MAP3K20: variants seen among roughly 807,000 people sequenced by gnomAD.
MAP3K20 encodes the protein mitogen-activated protein kinase kinase kinase 20.
Under a neutral mutation model 85.7 loss-of-function variants are expected in MAP3K20, and 40 were observed. The ratio of observed to expected loss-of-function variants is 0.47; its 90% CI spans 0.36 to 0.61. The LOEUF (loss-of-function observed/expected upper bound fraction) is 0.61. MAP3K20 is among the 20% of genes least tolerant of loss of function. The pLI is 0.00. For synonymous variants in MAP3K20, 325 were observed against 327.7 expected (o/e 0.99, Z 0.09); for missense variants, 817 against 961.7 (o/e 0.85, Z 1.99).
intron 2 of MAP3K20, among the ~76,000 whole-genome samples, chr2:173,114,255 G>C (rs753247693): frequency 1.3e-5 from 2 of 151,792 alleles, no homozygotes; most frequent in Non-Finnish European, 1.5e-5. Flanking sequence ...CTTTTTCCAC[G>C]CCTTTACTTT....
intron 4 of MAP3K20, 86 bp downstream of exon 4, chr2:173,183,041 A>G (rs1369688630): frequency 9.5e-7 from 1 of 1,057,046 alleles, no homozygotes; most frequent in African/African-American, 1.6e-5. Context: ...AAAATGTTTT[A>G]TTCTGTCTTT....
intron 8 of MAP3K20, among the ~76,000 whole-genome samples, chr2:173,202,263 C>G (rs1166038460): frequency 6.6e-6 from 1 of 152,136 alleles, no homozygotes; most frequent in Admixed American, 6.5e-5. Context: ...GTGCTTAGCA[C>G]GGCCTTTAGT....
chr2:173,194,414 CTTTT>C (rs1273247555), intron 7 of MAP3K20, among the ~76,000 whole-genome samples: 1 of 152,018 alleles, frequency 6.6e-6, no homozygotes, highest in Non-Finnish European at 1.5e-5. Flanking sequence ...TTTCCAGCGA[CTTTT>C]TATTTAAACA....
chr2:173,229,281 C>G (rs1407320641), intron 11 of MAP3K20, among the ~76,000 whole-genome samples: 1 of 152,210 alleles, frequency 6.6e-6, no homozygotes, highest in Non-Finnish European at 1.5e-5. Flanking sequence ...TGAGAACAGG[C>G]ATAATACATG....
At chr2:173,243,785 G>A (rs1375957105) in intron 16 of MAP3K20, among the ~76,000 whole-genome samples, 2 of 152,194 alleles carry the variant, frequency 1.3e-5, no homozygotes, top group South Asian at 2.1e-4. Flanking sequence ...CACCACGCCC[G>A]GCTAATTTTT....
At chr2:173,094,139 TA>T (rs895152238) in intron 2 of MAP3K20, among the ~76,000 whole-genome samples, 64 of 151,964 alleles carry the variant, frequency 4.2e-4, no homozygotes, top group African/African-American at 1.4e-3. Flanking sequence ...TAAAGTATAA[TA>T]AAAAAAAATT....
intron 5 of MAP3K20, among the ~76,000 whole-genome samples, chr2:173,190,194 G>T (rs115869442): frequency 6.6e-6 from 1 of 152,074 alleles, no homozygotes; most frequent in African/African-American, 2.4e-5. Context: ...TGTTTTTCAG[G>T]TTTTAGCATA....
chr2:173,232,097 T>G (rs1305799013), intron 12 of MAP3K20, 95 bp from the exon 13 acceptor site: 4 of 1,456,066 alleles, frequency 2.7e-6, no homozygotes, highest in East Asian at 4.6e-5. Context: ...GGAATTAAAG[T>G]TATTTTGATC....
chr2:173,206,543 A>G (rs1683692714), intron 9 of MAP3K20, among the ~76,000 whole-genome samples: 2 of 152,164 alleles, frequency 1.3e-5, no homozygotes, highest in Admixed American at 1.3e-4. Context: ...TTCATTCCCA[A>G]ACAAGTTCTC....
chr2:173,254,259 C>A (rs144554320), intron 16 of MAP3K20, among the ~76,000 whole-genome samples: 8 of 145,968 alleles, frequency 5.5e-5, no homozygotes, highest in South Asian at 2.2e-4. Flanking sequence ...CCTAAAAATA[C>A]AAAAAAAAAA....
At chr2:173,153,682 G>A (rs773344787) in intron 2 of MAP3K20, among the ~76,000 whole-genome samples, 5 of 152,064 alleles carry the variant, frequency 3.3e-5, no homozygotes, top group East Asian at 1.9e-4. Flanking sequence ...GTCATTTCAC[G>A]GTATCTGCAG....
chr2:173,122,833 G>C (rs1688333383), intron 2 of MAP3K20, among the ~76,000 whole-genome samples: 1 of 152,030 alleles, frequency 6.6e-6, no homozygotes, highest in Admixed American at 6.6e-5. Context: ...TCTTGTCTTT[G>C]GCACTCAGTG....
intron 2 of MAP3K20, among the ~76,000 whole-genome samples, chr2:173,119,549 G>A (rs917436233): frequency 6.6e-6 from 1 of 152,206 alleles, no homozygotes; most frequent in African/African-American, 2.4e-5. Flanking sequence ...GTGCCAGCTG[G>A]CAGAGGAAAA....
At chr2:173,202,707 A>C (rs1683519174) in intron 8 of MAP3K20, among the ~76,000 whole-genome samples, 1 of 152,202 alleles carries the variant, frequency 6.6e-6, no homozygotes, top group African/African-American at 2.4e-5. Context: ...ATTTTGGAAC[A>C]GTTTTAGGGG....
chr2:173,133,248 G>A (rs1688668466), intron 2 of MAP3K20, among the ~76,000 whole-genome samples: 1 of 152,186 alleles, frequency 6.6e-6, no homozygotes, highest in African/African-American at 2.4e-5. Context: ...TATCCATGGT[G>A]ATAAAAAGTG....
intron 2 of MAP3K20, among the ~76,000 whole-genome samples, chr2:173,156,086 A>G (rs1423205314): frequency 1.3e-5 from 2 of 152,172 alleles, no homozygotes; most frequent in African/African-American, 4.8e-5. Flanking sequence ...TGTAAATTTA[A>G]CGGTTTGGAA....
At chr2:173,254,271 ACAAAAAAT>A (rs1685109120) in intron 16 of MAP3K20, among the ~76,000 whole-genome samples, 1 of 147,906 alleles carries the variant, frequency 6.8e-6, no homozygotes, top group Non-Finnish European at 1.5e-5. Context: ...AAAAAAAAAC[ACAAAAAAT>A]TAGCTGGGCG....
intron 5 of MAP3K20, among the ~76,000 whole-genome samples, chr2:173,189,034 C>T (rs562567452): frequency 2.1e-4 from 32 of 152,164 alleles, no homozygotes; most frequent in African/African-American, 7.5e-4. Context: ...TAAAAAGTTA[C>T]AGTTATATGT....
chr2:173,097,126 A>G (rs1180185164), intron 2 of MAP3K20, among the ~76,000 whole-genome samples: 1 of 152,224 alleles, frequency 6.6e-6, no homozygotes, highest in Non-Finnish European at 1.5e-5. Context: ...CACGCCTGTA[A>G]TCCCAACAAT....
Sources: gnomAD v4.1 joint callset for allele counts (sites outside exome capture counted in the v4.1 genomes callset) on GRCh38, gnomAD v4.1.1 for gene constraint, MANE v1.5 for transcripts, NCBI Gene and HGNC (gene_info 2026-07-23, HGNC 2026-07-21) for gene names.